PFDN1: variants seen among roughly 807,000 people sequenced by gnomAD.
The protein encoded by PFDN1 is prefoldin subunit 1.
Under a neutral mutation model 17.3 loss-of-function variants are expected in PFDN1, and 6 were observed. That is an observed-to-expected ratio of 0.35 (90% CI 0.19 to 0.69). The LOEUF (loss-of-function observed/expected upper bound fraction) is 0.69. PFDN1 is among the 30% of genes least tolerant of loss of function. PFDN1 has a pLI of 0.65. For synonymous variants in PFDN1, 58 were observed against 50.1 expected (o/e 1.16, Z -0.67); for missense variants, 113 against 146.2 (o/e 0.77, Z 1.17).
intron 3 of PFDN1, among the ~76,000 whole-genome samples, chr5:140,253,273 C>T (rs1764941114): frequency 6.6e-6 from 1 of 152,132 alleles, no homozygotes; most frequent in Admixed American, 6.5e-5. Context: ...TGTGCTTTTA[C>T]CTGCCGACAG....
intron 2 of PFDN1, among the ~76,000 whole-genome samples, chr5:140,286,411 C>CA (rs70988742): frequency 0.012 from 995 of 83,454 alleles, 18 homozygotes; most frequent in Non-Finnish European, 0.018. Flanking sequence ...GACTCTGTCT[C>CA]AAAAAAAAAA....
At chr5:140,285,925 A>G (rs1765480527) in intron 2 of PFDN1, among the ~76,000 whole-genome samples, 1 of 152,122 alleles carries the variant, frequency 6.6e-6, no homozygotes, top group Non-Finnish European at 1.5e-5. Flanking sequence ...GATTGCTTAA[A>G]TCCAAGAGTT....
chr5:140,269,058 G>A (rs1581087524), intron 3 of PFDN1, among the ~76,000 whole-genome samples: 1 of 152,106 alleles, frequency 6.6e-6, no homozygotes, highest in Non-Finnish European at 1.5e-5. Flanking sequence ...TGTCACCCAG[G>A]CTGGAGTACA....
intron 2 of PFDN1, among the ~76,000 whole-genome samples, chr5:140,285,176 G>A (rs1765466988): frequency 2.6e-5 from 4 of 152,052 alleles, no homozygotes; most frequent in Admixed American, 2.0e-4. Flanking sequence ...GTCTAAAAAC[G>A]TATCCTATTA....
chr5:140,292,875 G>C (rs1765599073), intron 2 of PFDN1: 1 of 152,042 alleles, frequency 6.6e-6, no homozygotes, highest in Non-Finnish European at 1.5e-5. Flanking sequence ...CCAAGTGCGT[G>C]TTCATATATA....
At chr5:140,294,666 A>G (rs1398743663) in intron 2 of PFDN1, among the ~76,000 whole-genome samples, 1 of 152,094 alleles carries the variant, frequency 6.6e-6, no homozygotes, top group Non-Finnish European at 1.5e-5. Flanking sequence ...TCTACAACCT[A>G]AACAGTTGAA....
chr5:140,280,015 A>G lies in PFDN1; in HGVS notation c.285+1434T>C, dbSNP rs866565466. 8.5e-4 allele frequency among the ~76,000 whole-genome samples: 99 copies of G among 116,036 alleles called. 2 individuals carry two copies. The Middle Eastern group carries it at 0.021, about 24-fold the overall frequency. The allele number at this position is 116,036 out of a possible 152,430, so 76.1% of individuals were successfully genotyped here. ...CGTCTCAAAAAAAAAAAAAAAAAAC[A>G]AAAAAAGAAAAGAAAAGAAAAGAAA... is the stretch of plus-strand genomic sequence containing the variant. On this transcript the variant is annotated intron_variant, in intron 3 of 3. Coordinates refer to ENST00000261813, the MANE Select transcript of PFDN1 (RefSeq NM_002622.5).
intron 3 of PFDN1, among the ~76,000 whole-genome samples, chr5:140,261,944 C>A (rs2126682166): frequency 6.6e-6 from 1 of 152,154 alleles, no homozygotes; most frequent in East Asian, 1.9e-4. Context: ...AACGTCACAG[C>A]CGCCCAGCTG....
chr5:140,279,149 A>AT (rs1765349948), intron 3 of PFDN1, among the ~76,000 whole-genome samples: 1 of 152,220 alleles, frequency 6.6e-6, no homozygotes, highest in Non-Finnish European at 1.5e-5. Flanking sequence ...ATATGCATGT[A>AT]TGAATGTCTT....
intron 2 of PFDN1, among the ~76,000 whole-genome samples, chr5:140,292,536 T>C (rs1765595077): frequency 1.3e-5 from 2 of 152,164 alleles, no homozygotes; most frequent in African/African-American, 4.8e-5. Context: ...TGTACCAATT[T>C]TGGTATCAGA....
chr5:140,290,899 TC>T (rs1402978009), intron 2 of PFDN1, among the ~76,000 whole-genome samples: 1 of 152,158 alleles, frequency 6.6e-6, no homozygotes, highest in Non-Finnish European at 1.5e-5. Context: ...AGTATCATTG[TC>T]CCCAGATGGT....
chr5:140,264,874 T>C (rs1285623959), intron 3 of PFDN1, among the ~76,000 whole-genome samples: 3 of 152,090 alleles, frequency 2.0e-5, no homozygotes, highest in African/African-American at 4.8e-5. Flanking sequence ...TAAAATTCAT[T>C]TTAAAGAGGG....
chr5:140,283,216 T>C (rs1331886103), intron 2 of PFDN1, among the ~76,000 whole-genome samples: 1 of 152,196 alleles, frequency 6.6e-6, no homozygotes, highest in Non-Finnish European at 1.5e-5. Context: ...TAAGCTTATA[T>C]CCTAATGCGG....
intron 3 of PFDN1, among the ~76,000 whole-genome samples, chr5:140,276,492 G>C (rs1426503019): frequency 6.6e-6 from 1 of 152,134 alleles, no homozygotes; most frequent in Admixed American, 6.6e-5. Flanking sequence ...CAAAGACTGA[G>C]AGTATTGGCC....
rs866404347 is a variant in PFDN1 at position 140,245,757 on chromosome 5, G to A, written c.*217C>T. ...GGGAGTTCATCACACATCCCGAGAG[G>A]GAAGAGTGTCCTGGGCAGAGGTGGC... On this transcript the variant is annotated 3_prime_UTR_variant, in exon 4 of 4. Transcript: ENST00000261813. 1.6e-6 allele frequency: 1 copy of A among 611,140 alleles called. No homozygotes were observed. The highest frequency in any genetic ancestry group is 2.9e-6 in the Non-Finnish European group (1 of 343,530). The allele number at this position is 611,140 out of a possible 1,614,324, so 37.9% of individuals were successfully genotyped here.
chr5:140,301,340 C>G (rs1765742888), intron 1 of PFDN1, among the ~76,000 whole-genome samples: 2 of 152,176 alleles, frequency 1.3e-5, no homozygotes, highest in African/African-American at 4.8e-5. Context: ...TCCACAGATA[C>G]CAGGCCAAAT....
At chr5:140,260,262 C>A (rs1401693609) in intron 3 of PFDN1, among the ~76,000 whole-genome samples, 19 of 151,328 alleles carry the variant, frequency 1.3e-4, no homozygotes, top group Admixed American at 1.2e-3. Flanking sequence ...AAACTGGAAC[C>A]CTCATATATT....
At chr5:140,283,516 A>T (rs1004089714) in intron 2 of PFDN1, among the ~76,000 whole-genome samples, 37 of 152,172 alleles carry the variant, frequency 2.4e-4, no homozygotes, top group African/African-American at 8.7e-4. Context: ...TACAGGCATG[A>T]GCCACCACGC....
intron 3 of PFDN1, among the ~76,000 whole-genome samples, chr5:140,267,511 G>A (rs1298115009): frequency 6.6e-6 from 1 of 152,194 alleles, no homozygotes; most frequent in Non-Finnish European, 1.5e-5. Flanking sequence ...AGAAAAGGGA[G>A]AGCTCAAACA....
Sources: gnomAD v4.1 joint callset for allele counts (sites outside exome capture counted in the v4.1 genomes callset) on GRCh38, gnomAD v4.1.1 for gene constraint, MANE v1.5 for transcripts, NCBI Gene and HGNC (gene_info 2026-07-23, HGNC 2026-07-21) for gene names.